NCKAP5: variants seen among roughly 807,000 people sequenced by gnomAD.
The protein encoded by NCKAP5 is nck-associated protein 5.
In NCKAP5, 92 loss-of-function variants were observed where a neutral mutation model predicts 167.0. The ratio of observed to expected loss-of-function variants is 0.55; its 90% CI spans 0.47 to 0.66. The LOEUF is 0.66. Among genes scored for constraint, NCKAP5 ranks in the 30% least tolerant of loss-of-function variants. The pLI is 0.00. For missense variants in NCKAP5, 2,378 were observed against 2,315.0 expected (o/e 1.03, Z -0.56); for synonymous variants, 891 against 877.4 (o/e 1.02, Z -0.27).
At chr2:132,891,674 G>C (rs1428429366) in intron 8 of NCKAP5, among the ~76,000 whole-genome samples, 1 of 152,198 alleles carries the variant, frequency 6.6e-6, no homozygotes, top group Non-Finnish European at 1.5e-5. Context: ...ATTATTTGAT[G>C]CTGCATTACA....
chr2:133,303,891 T>G (rs1680586686), intron 3 of NCKAP5, among the ~76,000 whole-genome samples: 1 of 152,194 alleles, frequency 6.6e-6, no homozygotes. Context: ...GTGTTTCCTT[T>G]GCTAACCTGG....
chr2:133,367,330 C>T (rs1294861093), intron 3 of NCKAP5, among the ~76,000 whole-genome samples: 5 of 152,166 alleles, frequency 3.3e-5, no homozygotes, highest in South Asian at 2.1e-4. Context: ...ACCCAGCAGA[C>T]GGGAGCTCTG....
intron 10 of NCKAP5, 34 bp downstream of exon 10, chr2:132,868,902 G>A: frequency 6.6e-7 from 1 of 1,511,284 alleles, no homozygotes. Flanking sequence ...TCACAAAAGT[G>A]CCTTGAAAAG....
intron 6 of NCKAP5, among the ~76,000 whole-genome samples, chr2:133,068,158 T>C (rs1435120626): frequency 6.6e-6 from 1 of 152,084 alleles, no homozygotes; most frequent in Non-Finnish European, 1.5e-5. Context: ...CAGATGCTCA[T>C]AAAATAACTT....
chr2:133,212,386 ATTTG>A (rs1178958663), intron 5 of NCKAP5, among the ~76,000 whole-genome samples: 1 of 151,806 alleles, frequency 6.6e-6, no homozygotes, highest in Non-Finnish European at 1.5e-5. Context: ...TTCCTTATTT[ATTTG>A]TTTGTTTTTG....
chr2:133,096,015 G>A (rs1324409937), intron 6 of NCKAP5, among the ~76,000 whole-genome samples: 2 of 152,094 alleles, frequency 1.3e-5, no homozygotes, highest in Non-Finnish European at 2.9e-5. Context: ...AATTTTACCA[G>A]ATGCTACTAA....
intron 6 of NCKAP5, among the ~76,000 whole-genome samples, chr2:133,008,326 G>A (rs2078036704): frequency 1.3e-5 from 2 of 152,098 alleles, no homozygotes; most frequent in South Asian, 4.1e-4. Context: ...TGAGATCTCT[G>A]AATTGTCCAC....
intron 7 of NCKAP5, among the ~76,000 whole-genome samples, chr2:132,981,563 C>G (rs1183988069): frequency 6.6e-6 from 1 of 152,158 alleles, no homozygotes; most frequent in Non-Finnish European, 1.5e-5. Context: ...AGCTCTTTCC[C>G]CCGGTTCACC....
chr2:132,981,787 G>C (rs1573627574), intron 7 of NCKAP5, among the ~76,000 whole-genome samples: 1 of 152,182 alleles, frequency 6.6e-6, no homozygotes, highest in African/African-American at 2.4e-5. Flanking sequence ...ATATGTGAAT[G>C]ATGCTCTCTG....
At chr2:133,020,362 A>T (rs1418264888) in intron 6 of NCKAP5, among the ~76,000 whole-genome samples, 2 of 152,222 alleles carry the variant, frequency 1.3e-5, no homozygotes, top group Non-Finnish European at 2.9e-5. Flanking sequence ...CAGGCAAGGC[A>T]CCACCACTTA....
At chr2:133,476,602 T>C (rs1481824535) in intron 3 of NCKAP5, among the ~76,000 whole-genome samples, 1 of 152,202 alleles carries the variant, frequency 6.6e-6, no homozygotes, top group Non-Finnish European at 1.5e-5. Flanking sequence ...TCCATGCTTT[T>C]AATTTACTCT....
At chr2:133,488,542 C>T (rs1681123725) in intron 3 of NCKAP5, among the ~76,000 whole-genome samples, 1 of 152,100 alleles carries the variant, frequency 6.6e-6, no homozygotes, top group South Asian at 2.1e-4. Context: ...GGAGTGTTTC[C>T]CTTACCCCTC....
At chr2:132,855,200 C>G (rs944647141) in intron 11 of NCKAP5, among the ~76,000 whole-genome samples, 1 of 152,158 alleles carries the variant, frequency 6.6e-6, no homozygotes, top group Non-Finnish European at 1.5e-5. Flanking sequence ...ACTTTCTGCA[C>G]GTCTGGCAGG....
At chr2:132,984,487 G>T (rs1360360594) in intron 7 of NCKAP5, among the ~76,000 whole-genome samples, 2 of 152,104 alleles carry the variant, frequency 1.3e-5, no homozygotes, top group Admixed American at 1.3e-4. Flanking sequence ...TCTTGCAATG[G>T]CTTAAATGCC....
chr2:133,254,829 C>T (rs1265019371), intron 4 of NCKAP5, among the ~76,000 whole-genome samples: 1 of 151,924 alleles, frequency 6.6e-6, no homozygotes, highest in African/African-American at 2.4e-5. Context: ...AATTACTGGT[C>T]TCTAAAGAGT....
chr2:132,988,452 C>G (rs1442565691), intron 7 of NCKAP5, among the ~76,000 whole-genome samples: 1 of 119,916 alleles, frequency 8.3e-6, no homozygotes, highest in East Asian at 2.5e-4. Flanking sequence ...CAGAGCAAGA[C>G]TTTGCCTCAA....
chr2:133,434,786 C>T (rs1440011453), intron 3 of NCKAP5, among the ~76,000 whole-genome samples: 2 of 152,098 alleles, frequency 1.3e-5, no homozygotes, highest in African/African-American at 2.4e-5. Context: ...GGATTTTCCA[C>T]CAATATTTTT....
chr2:132,887,066 C>A (rs59400913), intron 8 of NCKAP5, among the ~76,000 whole-genome samples: 75,926 of 151,878 alleles, frequency 0.5, 19,936 homozygotes, highest in East Asian at 0.69. Context: ...TGACATTTCT[C>A]CACTATAAAA....
chr2:133,214,821 G>A (rs1303033477), intron 4 of NCKAP5, among the ~76,000 whole-genome samples: 3 of 152,076 alleles, frequency 2.0e-5, no homozygotes, highest in Admixed American at 1.3e-4. Context: ...CTTTGCCCAG[G>A]ATCAGCTATA....
Sources: allele counts gnomAD v4.1 joint callset (sites outside exome capture counted in the v4.1 genomes callset), GRCh38; gene constraint gnomAD v4.1.1; transcripts MANE v1.5; gene names NCBI Gene and HGNC (gene_info 2026-07-23, HGNC 2026-07-21).